The following PARD6G variants were observed in gnomAD, a reference collection of about 807,000 sequenced individuals.
PARD6G encodes par-6 family cell polarity regulator gamma.
In PARD6G, 7 loss-of-function variants were observed where a neutral mutation model predicts 10.7. The observed-to-expected ratio is 0.66, with a 90% CI of 0.37 to 1.23. The LOEUF is 1.23. Among genes scored for constraint, PARD6G ranks in the 50% most tolerant of loss-of-function variants. The pLI is 0.02. For missense variants in PARD6G, 548 were observed against 571.8 expected, an observed-to-expected ratio of 0.96 and a Z score of 0.42; for synonymous variants, 287 against 269.4, an observed-to-expected ratio of 1.07 and a Z score of -0.64.
chr18:80,169,965 CGAT>C (rs2052764440), intron 2 of PARD6G: 1 of 152,230 alleles, frequency 6.6e-6, no homozygotes, highest in African/African-American at 2.4e-5. Context: ...CTCCGTCCCT[CGAT>C]GACGGCATCA....
intron 1 of PARD6G, among the ~76,000 whole-genome samples, chr18:80,229,187 C>T (rs1371899928): frequency 6.6e-6 from 1 of 152,206 alleles, no homozygotes; most frequent in Non-Finnish European, 1.5e-5. Context: ...ATCCACCCAC[C>T]TCGGTCTCCC....
chr18:80,174,831 G>A (rs953559585), intron 2 of PARD6G, among the ~76,000 whole-genome samples: 1 of 152,168 alleles, frequency 6.6e-6, no homozygotes, highest in Non-Finnish European at 1.5e-5. Flanking sequence ...GCGGGCGCCT[G>A]TAGTCCCAGC....
At chr18:80,199,662 A>G (rs1398040184) in intron 2 of PARD6G, among the ~76,000 whole-genome samples, 1 of 152,134 alleles carries the variant, frequency 6.6e-6, no homozygotes, top group East Asian at 1.9e-4. Context: ...TTTTTTTCTG[A>G]GACGGAGTTT....
chr18:80,196,247 A>G (rs150581807), intron 2 of PARD6G, among the ~76,000 whole-genome samples: 35 of 152,296 alleles, frequency 2.3e-4, no homozygotes, highest in African/African-American at 6.3e-4. Flanking sequence ...GTATATTATG[A>G]CCCTGTTTGT....
chr18:80,235,936 G>A lies in PARD6G; in HGVS notation c.72+11341C>T, dbSNP rs561838341. ...CTACCAGAGGTACAAGGAGGAGCTG[G>A]TACCATTCCTTCTGAAACTATTCCA... On this transcript the variant is annotated intron_variant, in intron 1 of 2. Coordinates refer to ENST00000353265, the MANE Select transcript of PARD6G (RefSeq NM_032510.4). Among the ~76,000 whole-genome samples, 5 of 152,278 alleles carry A rather than the reference G, an allele frequency of 3.3e-5. No individual in the cohort carries two copies. In the East Asian group the frequency reaches 9.6e-4, roughly 29 times the overall value.
At chr18:80,217,426 AG>A (rs1967180896) in intron 1 of PARD6G, among the ~76,000 whole-genome samples, 1 of 152,228 alleles carries the variant, frequency 6.6e-6, no homozygotes, top group Admixed American at 6.5e-5. Context: ...CAGTATAAAA[AG>A]GGGGAAGAAA....
chr18:80,221,694 T>G (rs910951543), intron 1 of PARD6G, among the ~76,000 whole-genome samples: 1 of 152,196 alleles, frequency 6.6e-6, no homozygotes, highest in South Asian at 2.1e-4. Flanking sequence ...TACTGTAGTT[T>G]CGACCCAGGA....
rs1381806970 is a variant in PARD6G at position 80,247,045 on chromosome 18, G to C, written c.72+232C>G. Among the ~76,000 whole-genome samples, 1 of 152,116 alleles carries C rather than the reference G, an allele frequency of 6.6e-6. No individual in the cohort carries two copies. On this transcript the variant is annotated intron_variant, in intron 1 of 2. Coordinates refer to ENST00000353265, the MANE Select transcript of PARD6G (RefSeq NM_032510.4). This position sits in a 1 kb window ranked among gnomAD's most constrained non-coding sequence, Gnocchi z 4.2. Reference sequence around the variant, plus strand: ...CCAGAGTCTGCCCGGACTGTCCGATGGCCCTCGGCCCTCTGAGCGCCGCGG... The same window carrying C: ...CCAGAGTCTGCCCGGACTGTCCGATCGCCCTCGGCCCTCTGAGCGCCGCGG...
In PARD6G at chr18:80,246,888, C is replaced by T. The variant is rs919723981; in HGVS notation, c.72+389G>A. ...CCCACGGCCCGGGCCCCCAGAGCCC[C>T]CCCACGGCCCCGAATCCGAGCAGCC... On this transcript the variant is annotated intron_variant, in intron 1 of 2. Transcript: ENST00000353265. This position sits in a 1 kb window ranked among gnomAD's most constrained non-coding sequence, Gnocchi z 6.7. Among the ~76,000 whole-genome samples, 9 of 152,056 alleles carry T rather than the reference C, an allele frequency of 5.9e-5. No homozygotes were observed. The highest frequency in any genetic ancestry group is 1.9e-4 in the African/African-American group (8 of 41,418).
chr18:80,214,485 C>G (rs1967142091), intron 1 of PARD6G, among the ~76,000 whole-genome samples: 1 of 151,948 alleles, frequency 6.6e-6, no homozygotes. Context: ...AGAATGATAT[C>G]TCACCAAATA....
rs193283513 is a variant in PARD6G, at chr18:80,226,622, C to A, written c.72+20655G>T. On this transcript the variant is annotated intron_variant, in intron 1 of 2. Transcript: ENST00000353265. ...TGTATATTTTGAAAACAGTCTTTTG[C>A]TGGATGTTCCTAGTTCTACTGGGGC... Among the ~76,000 whole-genome samples the A allele has an allele frequency of 1.8e-3, 269 of 152,230 alleles. 1 individual carries two copies. Among genetic ancestry groups the A allele is most frequent in the African/African-American group, 6.2e-3 (257 of 41,544 alleles).
At chr18:80,177,310 TCAC>T (rs1337504768) in intron 2 of PARD6G, among the ~76,000 whole-genome samples, 2 of 107,832 alleles carry the variant, frequency 1.9e-5, no homozygotes, top group African/African-American at 3.8e-5. Context: ...ACGGGATAAA[TCAC>T]AGCCCAAATG....
Position 80,247,194 on chromosome 18 carries a change from C to G in PARD6G, c.72+83G>C. Reference sequence around the variant, plus strand: ...TCGCCGGCGCCTGTCGCCTCCACGCCGCCCCAGTCCCCCTCCGCGGGGCGC... The same window carrying G: ...TCGCCGGCGCCTGTCGCCTCCACGCGGCCCCAGTCCCCCTCCGCGGGGCGC... On this transcript the variant is annotated intron_variant, in intron 1 of 2. Coordinates refer to ENST00000353265, the MANE Select transcript of PARD6G (RefSeq NM_032510.4). This position sits in a 1 kb window ranked among gnomAD's most constrained non-coding sequence, Gnocchi z 4.2. The G allele has an allele frequency of 8.6e-7, 1 of 1,160,158 alleles. No homozygotes were observed. The highest frequency in any genetic ancestry group is 1.2e-6 in the Non-Finnish European group (1 of 838,718). 71.9% of individuals were successfully genotyped at this position (1,160,158 alleles called of 1,614,324 possible).
intron 1 of PARD6G, among the ~76,000 whole-genome samples, chr18:80,245,869 G>A (rs180810909): frequency 9.1e-4 from 139 of 152,188 alleles, no homozygotes; most frequent in African/African-American, 3.1e-3. Context: ...AGGTCATGGG[G>A]CAAGGGTAAG....
intron 2 of PARD6G, among the ~76,000 whole-genome samples, chr18:80,186,880 C>T (rs1420156607): frequency 2.0e-5 from 3 of 152,076 alleles, no homozygotes; most frequent in Admixed American, 6.5e-5. Context: ...TTTGGGAGGC[C>T]GAGGTCGGGA....
rs777833050 is a variant in PARD6G, at chr18:80,247,341, C to G, written c.8G>C (p.Arg3Pro). 1.3e-6 allele frequency: 2 copies of G among 1,574,322 alleles called. No homozygotes were observed. The highest frequency in any genetic ancestry group is 8.6e-7 in the Non-Finnish European group (1 of 1,160,604). MN[R>P]SFHKSQTLRF... ...CAAGGTCTGAGACTTGTGAAAACTT[C>G]GGTTCATGGTTTCGGCCCCGGTCAG... Residue 3 changes from arginine to proline, a missense_variant, in exon 1 of 3, where the codon CGA (arginine) becomes CCA (proline). Coordinates refer to ENST00000353265, the MANE Select transcript of PARD6G (RefSeq NM_032510.4). This position sits in a 1 kb window ranked among gnomAD's most constrained non-coding sequence, Gnocchi z 4.2.
At chr18:80,226,034 T>A (rs911964334) in intron 1 of PARD6G, among the ~76,000 whole-genome samples, 1 of 152,112 alleles carries the variant, frequency 6.6e-6, no homozygotes, top group African/African-American at 2.4e-5. Context: ...CATACACTGT[T>A]ATATTTTTCT....
intron 1 of PARD6G, among the ~76,000 whole-genome samples, chr18:80,233,514 C>T (rs888638709): frequency 1.3e-5 from 2 of 152,190 alleles, no homozygotes; most frequent in African/African-American, 2.4e-5. Context: ...GGAAACACCC[C>T]CTTATTATTG....
intron 1 of PARD6G, among the ~76,000 whole-genome samples, chr18:80,209,976 A>G (rs1208373164): frequency 6.6e-6 from 1 of 152,100 alleles, no homozygotes; most frequent in Non-Finnish European, 1.5e-5. Flanking sequence ...TATTCCCCCA[A>G]CTCTAACTTC....
Sources: gnomAD v4.1 joint callset for allele counts (sites outside exome capture counted in the v4.1 genomes callset) on GRCh38, gnomAD v4.1.1 for gene constraint, Gnocchi (gnomAD v3.1) non-coding constraint, MANE v1.5 for transcripts, NCBI Gene and HGNC (gene_info 2026-07-23, HGNC 2026-07-21) for gene names.